PTPRN2: variants seen among roughly 807,000 people sequenced by gnomAD.
PTPRN2 encodes protein tyrosine phosphatase receptor type N2.
Under a neutral mutation model 118.8 loss-of-function variants are expected in PTPRN2, and 74 were observed. That is an observed-to-expected ratio of 0.62 (90% confidence interval 0.52 to 0.76). The LOEUF (loss-of-function observed/expected upper bound fraction) is 0.76. Among genes scored for constraint, PTPRN2 ranks in the 30% least tolerant of loss-of-function variants. The pLI, the probability that PTPRN2 is intolerant of heterozygous loss-of-function variation, is 0.00. For missense variants in PTPRN2, 1,481 were observed against 1,394.4 expected (o/e 1.06, Z -0.99); for synonymous variants, 641 against 608.0 (o/e 1.05, Z -0.80).
chr7:158,377,912 C>T (rs1810674732), intron 2 of PTPRN2, among the ~76,000 whole-genome samples: 2 of 152,152 alleles, frequency 1.3e-5, no homozygotes, highest in African/African-American at 4.8e-5. Context: ...ACAGCAAGCA[C>T]AGCACAGAAC....
chr7:158,406,819 C>T (rs1029947354), intron 2 of PTPRN2, among the ~76,000 whole-genome samples: 4 of 152,346 alleles, frequency 2.6e-5, no homozygotes, highest in Admixed American at 6.5e-5. Context: ...CGGCTCATTT[C>T]GTTCCTCTGC....
At chr7:158,047,706 C>T (rs990950171) in intron 11 of PTPRN2, among the ~76,000 whole-genome samples, 3 of 152,176 alleles carry the variant, frequency 2.0e-5, no homozygotes, top group African/African-American at 4.8e-5. Context: ...TAGAGGCCAC[C>T]GGGGAGGGAC....
chr7:158,081,240 G>GCACACA (rs1812799004), intron 11 of PTPRN2, 58 bp downstream of exon 11: 1 of 1,461,484 alleles, frequency 6.8e-7, no homozygotes, highest in African/African-American at 1.4e-5. Context: ...GTGTTTGCGT[G>GCACACA]CGTGTGTGTG....
At chr7:158,475,174 A>T (rs113998878) in intron 2 of PTPRN2, among the ~76,000 whole-genome samples, 1,340 of 133,248 alleles carry the variant, frequency 0.01, 24 homozygotes, top group African/African-American at 0.035. Context: ...CCCGAAAAGC[A>T]ACAAGCTCCC....
At chr7:158,442,977 CATAGT>C (rs926889809) in intron 2 of PTPRN2, among the ~76,000 whole-genome samples, 5 of 149,500 alleles carry the variant, frequency 3.3e-5, no homozygotes, top group African/African-American at 1.2e-4. Context: ...AAATCTAGAG[CATAGT>C]CTTTGGCCTA....
At chr7:158,233,959 CA>C (rs1563633609) in intron 3 of PTPRN2, among the ~76,000 whole-genome samples, 1 of 152,046 alleles carries the variant, frequency 6.6e-6, no homozygotes, top group East Asian at 1.9e-4. Flanking sequence ...TCACCATATA[CA>C]AAAATCGAAT....
chr7:157,714,900 A>C (rs796252441), intron 12 of PTPRN2, among the ~76,000 whole-genome samples: 2 of 149,300 alleles, frequency 1.3e-5, no homozygotes, highest in African/African-American at 5.0e-5. Context: ...CCATTTCCCC[A>C]GGGAATGGCT....
At chr7:158,342,646 A>T (rs1807124520) in intron 2 of PTPRN2, among the ~76,000 whole-genome samples, 1 of 152,236 alleles carries the variant, frequency 6.6e-6, no homozygotes. Flanking sequence ...CAGTCAACTC[A>T]GTCAGTCCTT....
intron 12 of PTPRN2, among the ~76,000 whole-genome samples, chr7:157,834,815 T>G (rs1037713316): frequency 3.3e-5 from 5 of 152,176 alleles, no homozygotes; most frequent in Admixed American, 3.3e-4. Flanking sequence ...CGGGGCTTGT[T>G]GTCATGAACC....
At chr7:158,150,853 C>T (rs756959539) in intron 6 of PTPRN2, among the ~76,000 whole-genome samples, 10 of 152,076 alleles carry the variant, frequency 6.6e-5, no homozygotes, top group Non-Finnish European at 1.2e-4. Flanking sequence ...CTCTGGCCTC[C>T]TTTCTGTTCT....
intron 12 of PTPRN2, among the ~76,000 whole-genome samples, chr7:157,883,360 A>C (rs73746690): frequency 0.027 from 4,065 of 148,092 alleles, 192 homozygotes; most frequent in African/African-American, 0.095. Context: ...CCAGAACACA[A>C]CACCCCAAAA....
rs1798789069 is a variant in PTPRN2, at chr7:158,274,311, A to G, written c.277+42508T>C. Among the ~76,000 whole-genome samples, 2 of 129,202 alleles carry G rather than the reference A, an allele frequency of 1.5e-5. 1 individual carries two copies. The highest frequency in any genetic ancestry group is 3.2e-5 in the Non-Finnish European group (2 of 63,154). 84.8% of individuals were successfully genotyped at this position (129,202 alleles called of 152,430 possible). A position where few individuals can be genotyped will look rare whatever the true frequency, so the allele number is the denominator to read the frequency against. On this transcript the variant is annotated intron_variant, in intron 3 of 22. Coordinates refer to ENST00000389418, the MANE Select transcript of PTPRN2 (RefSeq NM_002847.5). Reference sequence around the variant, plus strand: ...CAGACACAGGAGGAGACACACAAGGAGCCGCAGCCACAGGGGGAGCCGCAG... The same window carrying G: ...CAGACACAGGAGGAGACACACAAGGGGCCGCAGCCACAGGGGGAGCCGCAG...
At chr7:157,858,003 C>A (rs1809853529) in intron 12 of PTPRN2, among the ~76,000 whole-genome samples, 1 of 151,974 alleles carries the variant, frequency 6.6e-6, no homozygotes, top group African/African-American at 2.4e-5. Context: ...TGTCGGGGGG[C>A]CTGAAAAGAA....
chr7:158,175,998 C>T (rs1824167989), intron 5 of PTPRN2, among the ~76,000 whole-genome samples: 1 of 151,854 alleles, frequency 6.6e-6, no homozygotes, highest in Non-Finnish European at 1.5e-5. Flanking sequence ...CATCGTGAGG[C>T]CAGTGCTGCT....
At chr7:157,662,582 G>A (rs1473693433) in intron 13 of PTPRN2, among the ~76,000 whole-genome samples, 3 of 152,204 alleles carry the variant, frequency 2.0e-5, no homozygotes, top group African/African-American at 7.2e-5. Flanking sequence ...AGGCAGGAGA[G>A]GCTCAGGCCC....
intron 2 of PTPRN2, among the ~76,000 whole-genome samples, chr7:158,395,811 G>A (rs1191677146): frequency 6.7e-6 from 1 of 148,574 alleles, no homozygotes; most frequent in East Asian, 1.9e-4. Context: ...CGAGGGGCGA[G>A]GGGCGAGGGC....
chr7:157,540,713 C>T lies in PTPRN2; in HGVS notation c.*1G>A. 6.4e-7 allele frequency: 1 copy of T among 1,558,150 alleles called. No homozygotes were observed. Among genetic ancestry groups the T allele is most frequent in the Non-Finnish European group, 8.7e-7 (1 of 1,149,624 alleles). On this transcript the variant is annotated 3_prime_UTR_variant, in exon 23 of 23. Transcript: ENST00000389418. Reference sequence around the variant, plus strand: ...TCCCCTGAGGCCCCTGAGGCTGCCGCTCACTGGGGAAGGGCCTTGAGGATG... The same window carrying T: ...TCCCCTGAGGCCCCTGAGGCTGCCGTTCACTGGGGAAGGGCCTTGAGGATG...
At chr7:157,872,248 CACAT>C (rs1445779562) in intron 12 of PTPRN2, among the ~76,000 whole-genome samples, 38 of 145,434 alleles carry the variant, frequency 2.6e-4, no homozygotes, top group African/African-American at 9.0e-4. Flanking sequence ...TCCCCACACA[CACAT>C]ATCCAGTGTC....
chr7:158,434,288 A>AT (rs1223821858), intron 2 of PTPRN2, among the ~76,000 whole-genome samples: 2 of 152,226 alleles, frequency 1.3e-5, no homozygotes, highest in African/African-American at 2.4e-5. Flanking sequence ...AAAAACAAAC[A>AT]TGCATAAAAA....
Sources: allele counts gnomAD v4.1 joint callset (sites outside exome capture counted in the v4.1 genomes callset), GRCh38; gene constraint gnomAD v4.1.1; transcripts MANE v1.5; gene names NCBI Gene and HGNC (gene_info 2026-07-23, HGNC 2026-07-21).